Variants in HTR3B observed in about 807,000 individuals in gnomAD.
HTR3B encodes the protein 5-hydroxytryptamine (serotonin) receptor 3B, ionotropic.
A neutral mutation model predicts 42.8 loss-of-function variants in HTR3B; 44 were observed. The ratio of observed to expected loss-of-function variants is 1.03; its 90% CI spans 0.81 to 1.32. The LOEUF (loss-of-function observed/expected upper bound fraction) is 1.32. Among genes scored for constraint, HTR3B ranks in the 40% most tolerant of loss-of-function variants. HTR3B has a pLI of 0.00. For synonymous variants in HTR3B, 203 were observed against 209.0 expected (o/e 0.97, Z 0.25); for missense variants, 527 against 536.5 (o/e 0.98, Z 0.17).
chr11:113,916,110 T>C (rs1290534432), intron 2 of HTR3B, among the ~76,000 whole-genome samples: 1 of 152,272 alleles, frequency 6.6e-6, no homozygotes, highest in Non-Finnish European at 1.5e-5. Context: ...GTAGTGGGAT[T>C]ATAGGCATGA....
At chr11:113,929,200 C>T (rs1218068889) in intron 2 of HTR3B, among the ~76,000 whole-genome samples, 1 of 152,204 alleles carries the variant, frequency 6.6e-6, no homozygotes, top group Non-Finnish European at 1.5e-5. Context: ...TTTTAAAAAA[C>T]AGTCGCCATT....
intron 2 of HTR3B, among the ~76,000 whole-genome samples, chr11:113,928,826 C>T (rs111380012): frequency 2.0e-5 from 3 of 152,176 alleles, no homozygotes; most frequent in African/African-American, 4.8e-5. Flanking sequence ...CGTGAGCCAC[C>T]GCGCCCAGCT....
intron 2 of HTR3B, among the ~76,000 whole-genome samples, 181 bp downstream of exon 2, chr11:113,909,636 C>T (rs146858095): frequency 6.6e-6 from 1 of 152,172 alleles, no homozygotes; most frequent in African/African-American, 2.4e-5. Flanking sequence ...CTTTCTAGCC[C>T]CCAGTGGACA....
chr11:113,937,286 C>G (rs1950099264), intron 6 of HTR3B, among the ~76,000 whole-genome samples: 1 of 152,180 alleles, frequency 6.6e-6, no homozygotes, highest in Non-Finnish European at 1.5e-5. Context: ...AGGATAGCCT[C>G]CATTCAGGCT....
At chr11:113,944,164 C>T (rs550503087) in intron 7 of HTR3B, among the ~76,000 whole-genome samples, 5 of 151,946 alleles carry the variant, frequency 3.3e-5, no homozygotes, top group African/African-American at 7.2e-5. Flanking sequence ...GGACTACAGG[C>T]GCCCGCCACC....
At chr11:113,943,264 T>C in intron 7 of HTR3B, 72 bp downstream of exon 7, 1 of 1,278,942 alleles carries the variant, frequency 7.8e-7, no homozygotes, top group Non-Finnish European at 1.1e-6. Context: ...TGGCCAGGCA[T>C]GGTGGCTCAT....
intron 1 of HTR3B, among the ~76,000 whole-genome samples, chr11:113,906,253 CTA>C (rs2137481079): frequency 6.6e-6 from 1 of 152,194 alleles, no homozygotes; most frequent in East Asian, 1.9e-4. Context: ...ACGTATTTTA[CTA>C]TATTTACAAA....
chr11:113,948,005 T>A lies in HTR3B; in HGVS notation c.*1868T>A, dbSNP rs1950192456. On this transcript the variant is annotated 3_prime_UTR_variant, in exon 9 of 9. Transcript: ENST00000260191. The stretch of plus-strand genomic sequence containing the variant: ...CCTCCATCCCCCCAAAGAAAAAGAA[T>A]TTAAATTCAAACAGCCTTTACCTGC... Among the ~76,000 whole-genome samples, 1 of 151,422 alleles carries A rather than the reference T, an allele frequency of 6.6e-6. No homozygotes were observed.
At chr11:113,937,127 A>G (rs1280627272) in intron 6 of HTR3B, among the ~76,000 whole-genome samples, 2 of 152,208 alleles carry the variant, frequency 1.3e-5, no homozygotes, top group Non-Finnish European at 2.9e-5. Context: ...CCTTTAGTCC[A>G]TTAGAAATGA....
intron 6 of HTR3B, among the ~76,000 whole-genome samples, chr11:113,942,377 T>C (rs925108218): frequency 1.3e-5 from 2 of 152,158 alleles, no homozygotes; most frequent in African/African-American, 4.8e-5. Flanking sequence ...GGCAGGAGAA[T>C]TGCTTGAGCC....
chr11:113,926,166 A>G (rs1949969262), intron 2 of HTR3B, among the ~76,000 whole-genome samples: 1 of 152,148 alleles, frequency 6.6e-6, no homozygotes, highest in African/African-American at 2.4e-5. Context: ...CATGCTTTCA[A>G]AGTTCATATA....
In HTR3B at chr11:113,944,678, C is replaced by T. The variant is rs150646042; in HGVS notation, c.1013C>T (p.Pro338Leu). The change falls in exon 8 of 9, where the codon CCC (proline) becomes CTC (leucine). Residue 338 changes from proline to leucine, a missense_variant. Physicochemically the swap from Pro to Leu is moderately conservative, Grantham distance 98 (BLOSUM62 -3). Transcript: ENST00000260191. ...GAGCAGCGTGGTGGACAGGAGCAGC[C>T]CTTCTTGTGCCTTCGAGGGGACACC... ...HDEQRGGQEQPFLCLRGDTDA... is the reference protein window; with the variant it reads ...HDEQRGGQEQLFLCLRGDTDA... The T allele has an allele frequency of 6.2e-7, 1 of 1,614,116 alleles. No homozygotes were observed. The highest frequency in any genetic ancestry group is 8.5e-7 in the Non-Finnish European group (1 of 1,180,018).
intron 2 of HTR3B, among the ~76,000 whole-genome samples, chr11:113,910,064 C>G (rs1461308648): frequency 1.4e-5 from 2 of 140,086 alleles, no homozygotes; most frequent in African/African-American, 2.7e-5. Context: ...AAACCAAAAA[C>G]AGTAATAGGT....
chr11:113,899,771 TAA>T, the HTR3B span, among the ~76,000 whole-genome samples: 5 of 152,226 alleles, frequency 3.3e-5, no homozygotes, highest in Admixed American at 3.3e-4. Flanking sequence ...TCGGTCGATC[TAA>T]TAGGTGCCAT....
chr11:113,941,884 C>A (rs777078919), intron 6 of HTR3B, among the ~76,000 whole-genome samples: 19 of 152,138 alleles, frequency 1.2e-4, no homozygotes, highest in Non-Finnish European at 2.2e-4. Flanking sequence ...ATCACCCAGT[C>A]CCCGAAAAGC....
intron 2 of HTR3B, among the ~76,000 whole-genome samples, chr11:113,917,506 A>G (rs1949867566): frequency 6.6e-6 from 1 of 151,736 alleles, no homozygotes; most frequent in African/African-American, 2.4e-5. Flanking sequence ...TCCAGTTATG[A>G]TTGTTGTTTG....
intron 2 of HTR3B, among the ~76,000 whole-genome samples, chr11:113,917,653 C>A (rs1949869449): frequency 6.6e-6 from 1 of 152,018 alleles, no homozygotes; most frequent in African/African-American, 2.4e-5. Context: ...CTCTGTCTCC[C>A]AGGCTGGAGT....
At chr11:113,904,198 A>G (rs1042106243), upstream of HTR3B, among the ~76,000 whole-genome samples, 5 of 152,198 alleles carry the variant, frequency 3.3e-5, no homozygotes, top group Admixed American at 1.3e-4. Context: ...GTGAAAAAAA[A>G]ACTTTTATTA....
chr11:113,931,433 A>G lies in HTR3B; in HGVS notation c.258+5A>G, dbSNP rs781104137. On this transcript the variant is annotated splice_donor_5th_base_variant and intron_variant, in intron 3 of 8. Transcript: ENST00000260191. ...ACAAGTGTATGGTACCAAGAGGTAA[A>G]TAATTATGTTTTCTTCTAAATATAT... 2 of 1,570,194 alleles carry G rather than the reference A, an allele frequency of 1.3e-6. No homozygotes were observed. Among genetic ancestry groups the G allele is most frequent in the Non-Finnish European group, 1.7e-6 (2 of 1,147,842 alleles).
Sources: gnomAD v4.1 joint callset for allele counts (sites outside exome capture counted in the v4.1 genomes callset) on GRCh38, gnomAD v4.1.1 for gene constraint, MANE v1.5 for transcripts, NCBI Gene and HGNC (gene_info 2026-07-23, HGNC 2026-07-21) for gene names.